Variants in TMEM82 observed in about 807,000 individuals in gnomAD.
The protein encoded by TMEM82 is transmembrane protein 82.
In TMEM82, 30 loss-of-function variants were observed where a neutral mutation model predicts 29.2. The observed-to-expected ratio is 1.03, with a 90% confidence interval of 0.77 to 1.39. TMEM82 has a LOEUF of 1.39. Among genes scored for constraint, TMEM82 ranks in the 40% most tolerant of loss-of-function variants. The pLI, the probability that TMEM82 is intolerant of heterozygous loss-of-function variation, is 0.00. For missense variants in TMEM82, 442 were observed against 447.7 expected (o/e 0.99, Z 0.12); for synonymous variants, 221 against 225.4 (o/e 0.98, Z 0.18).
At chr1:15,747,509 G>A (rs375625704) in intron 5 of TMEM82, 37 bp from the exon 6 acceptor site, 2 of 1,583,852 alleles carry the variant, frequency 1.3e-6, no homozygotes, top group Non-Finnish European at 1.7e-6. Context: ...AGGGGGATGG[G>A]TGAATGGGTG....
At position 15,744,214 on chromosome 1, in the gene TMEM82, C is replaced by T. The variant is rs1344876393; in HGVS notation, c.391C>T (p.Leu131=). Residue 131 remains leucine, a synonymous_variant, in exon 4 of 6, where the codon CTG becomes TTG. Coordinates refer to ENST00000375782, the MANE Select transcript of TMEM82 (RefSeq NM_001013641.3). This position sits in a 1 kb window ranked among gnomAD's most constrained non-coding sequence, Gnocchi z 5.2. ...LQLYLLCQYS[L]GCGLTCGLSF... is the part of the protein sequence containing the mutation. ...GCTCTACCTGCTGTGCCAGTACTCG[C>T]TGGGCTGCGGGCTGACCTGTGGCCT... 6.9e-6 allele frequency: 11 copies of T among 1,591,354 alleles called. No individual in the cohort carries two copies. The highest frequency in any genetic ancestry group is 9.4e-6 in the Non-Finnish European group (11 of 1,173,764).
chr1:15,744,402 G>A lies in TMEM82; in HGVS notation c.579G>A (p.Leu193=), dbSNP rs771472745. 9 of 1,579,298 alleles carry A rather than the reference G, an allele frequency of 5.7e-6. No homozygotes were observed. Among genetic ancestry groups the A allele is most frequent in the East Asian group, 2.3e-5 (1 of 43,618 alleles). Residue 193 remains leucine (L), a synonymous_variant, in exon 4 of 6, where the codon CTG becomes CTA. Transcript: ENST00000375782. The surrounding 1 kb of genome is among the most constrained non-coding windows in gnomAD (Gnocchi z 5.2). ...SQRYCGVCLG[L]LAHAHGLPQL... is the part of the protein sequence containing the mutation. The stretch of plus-strand genomic sequence containing the variant: ...GCTACTGTGGGGTGTGCCTGGGCCT[G>A]CTGGCCCATGCACATGGCCTCCCCC...
At chr1:15,747,455 C>T in intron 5 of TMEM82, 91 bp from the exon 6 acceptor site, 1 of 1,131,062 alleles carries the variant, frequency 8.8e-7, no homozygotes, top group South Asian at 1.3e-5. Context: ...CCCAGAGGCC[C>T]AAGGGGGAGG....
Position 15,744,318 on chromosome 1 carries a change from G to A in TMEM82, c.495G>A (p.Leu165=). The change falls in exon 4 of 6, where the codon CTG becomes CTA. Residue 165 remains leucine, a synonymous_variant. Transcript: ENST00000375782. The surrounding 1 kb of genome is among the most constrained non-coding windows in gnomAD (Gnocchi z 5.2). ...TCGGGCTGGCCACGCTGCTGGGCCT[G>A]GGTGCCCGGCGCCTCCACCGCCACG... The part of the protein sequence containing the change: ...LSLGLATLLG[L]GARRLHRHVC... The A allele has an allele frequency of 6.5e-7, 1 of 1,544,092 alleles. No homozygotes were observed. The highest frequency in any genetic ancestry group is 8.7e-7 in the Non-Finnish European group (1 of 1,148,950).
At position 15,747,031 on chromosome 1, in the gene TMEM82, C is replaced by T. The variant is rs765742412; in HGVS notation, c.922C>T (p.Leu308=). 1 of 1,604,308 alleles carries T rather than the reference C, an allele frequency of 6.2e-7. No homozygotes were observed. The highest frequency in any genetic ancestry group is 8.5e-7 in the Non-Finnish European group (1 of 1,175,496). The change falls in exon 5 of 6, where the codon CTG becomes TTG. Residue 308 remains leucine, a synonymous_variant. Transcript: ENST00000375782. ...ELWCLVGVRT[L]LDLCQIQDFP... ...CTGGTGTCTCGTGGGCGTCCGCACCCTGCTTGACCTCTGCCAGATACAGGT... is the reference window on the plus strand; with the variant it reads ...CTGGTGTCTCGTGGGCGTCCGCACCTTGCTTGACCTCTGCCAGATACAGGT...
In TMEM82 at chr1:15,747,968, C is replaced by T. The variant is rs571866220; in HGVS notation, c.*336C>T. 5 of 253,610 alleles carry T rather than the reference C, an allele frequency of 2.0e-5. No individual in the cohort carries two copies. Among genetic ancestry groups the T allele is most frequent in the South Asian group, 2.6e-4 (2 of 7,726 alleles). 15.7% of individuals were successfully genotyped at this position (253,610 alleles called of 1,614,324 possible). A position where few individuals can be genotyped will look rare whatever the true frequency, so the allele number is the denominator to read the frequency against. ...TTCCCTTCTCCATGAACAATAAAGA[C>T]GATGTCTTTCTCAACCTGTGCTTAG... On this transcript the variant is annotated 3_prime_UTR_variant, in exon 6 of 6. Transcript: ENST00000375782.
intron 5 of TMEM82, 131 bp downstream of exon 5, chr1:15,747,185 A>G: frequency 1.0e-6 from 1 of 977,418 alleles, no homozygotes. Context: ...CCAAATACTC[A>G]GGAGGCTGAG....
At chr1:15,742,943 T>TG (rs1388161075) in intron 2 of TMEM82, 36 bp downstream of exon 2, 2 of 1,610,206 alleles carry the variant, frequency 1.2e-6, no homozygotes, top group Non-Finnish European at 1.7e-6. Flanking sequence ...GGAATGTGGC[T>TG]GGGGGCACGG....
rs1267000282 is a variant in TMEM82 at position 15,744,300 on chromosome 1, G to T, written c.477G>T (p.Leu159=). The stretch of plus-strand genomic sequence containing the variant: ...TGAACCTGCTGCTGAGCCTCGGGCT[G>T]GCCACGCTGCTGGGCCTGGGTGCCC... The part of the protein sequence containing the change: ...RTLNLLLSLG[L]ATLLGLGARR... The change falls in exon 4 of 6, where the codon CTG becomes CTT. Residue 159 remains leucine (L), a synonymous_variant. Coordinates refer to ENST00000375782, the MANE Select transcript of TMEM82 (RefSeq NM_001013641.3). This position sits in a 1 kb window ranked among gnomAD's most constrained non-coding sequence, Gnocchi z 5.2. 3 of 1,547,454 alleles carry T rather than the reference G, an allele frequency of 1.9e-6. No individual in the cohort carries two copies. Among genetic ancestry groups the T allele is most frequent in the South Asian group, 1.2e-5 (1 of 84,902 alleles).
Position 15,743,028 on chromosome 1 carries a change from A to G in TMEM82, c.170A>G (p.Gln57Arg), listed in dbSNP as rs2068303325. 6.3e-7 allele frequency: 1 copy of G among 1,598,764 alleles called. No individual in the cohort carries two copies. Among genetic ancestry groups the G allele is most frequent in the South Asian group, 1.1e-5 (1 of 88,994 alleles). ...YFFVGCANDP[Q>R]RRPEKERLRA... ...CCATTCTGTCCCCAAAGTGACCCGCAGCGGCGACCCGAAAAGGAGCGGCTT... is the reference window on the plus strand; with the variant it reads ...CCATTCTGTCCCCAAAGTGACCCGCGGCGGCGACCCGAAAAGGAGCGGCTT... Residue 57 changes from glutamine to arginine, a missense_variant, in exon 3 of 6, where the codon CAG becomes CGG. By Grantham distance (43) the Gln-to-Arg change is conservative. Coordinates refer to ENST00000375782, the MANE Select transcript of TMEM82 (RefSeq NM_001013641.3).
rs771764364 is a variant in TMEM82, at chr1:15,743,116, C to T, written c.258C>T (p.Val86=). 16 of 1,611,948 alleles carry T rather than the reference C, an allele frequency of 9.9e-6. No individual in the cohort carries two copies. The highest frequency in any genetic ancestry group is 1.3e-5 in the African/African-American group (1 of 74,930). The stretch of plus-strand genomic sequence containing the variant: ...CAGGGCTGGCCCTGTTTCTGACGGT[C>T]GTGGGGTCCCGGGTGGCTGCCCTCG... ...HLAGLALFLT[V]VGSRVAALVV... The change falls in exon 3 of 6, where the codon GTC becomes GTT. Residue 86 remains valine (V), a synonymous_variant. Transcript: ENST00000375782.
Position 15,743,042 on chromosome 1 carries a change from A to T in TMEM82, c.184A>T (p.Lys62Ter), listed in dbSNP as rs749641336. 3 of 1,601,972 alleles carry T rather than the reference A, an allele frequency of 1.9e-6. No homozygotes were observed. In the South Asian group the frequency reaches 3.3e-5, roughly 18 times the overall value. ...CANDPQRRPE[K>*]ERLRAQWASL... ...AAGTGACCCGCAGCGGCGACCCGAA[A>T]AGGAGCGGCTTCGGGCCCAGTGGGC... Residue 62 changes from lysine (K) to a stop codon, truncating the protein, a stop_gained, in exon 3 of 6, where the codon AAG becomes TAG. Transcript: ENST00000375782. LOFTEE classifies it high-confidence loss of function.
At position 15,744,623 on chromosome 1, in the gene TMEM82, C is replaced by G. The variant is rs751148213; in HGVS notation, c.757+43C>G. On this transcript the variant is annotated intron_variant, in intron 4 of 5. Coordinates refer to ENST00000375782, the MANE Select transcript of TMEM82 (RefSeq NM_001013641.3). This position sits in a 1 kb window ranked among gnomAD's most constrained non-coding sequence, Gnocchi z 5.2. ...TGCTCCATTCAATCCACGCACATCC[C>G]TCTGTCTGGGTCAGGCTCCGGGGAG... 11 of 1,545,456 alleles carry G rather than the reference C, an allele frequency of 7.1e-6. No homozygotes were observed. Among genetic ancestry groups the G allele is most frequent in the Non-Finnish European group, 3.5e-6 (4 of 1,143,388 alleles).
chr1:15,746,182 A>G (rs995157154), intron 4 of TMEM82, among the ~76,000 whole-genome samples: 6 of 151,710 alleles, frequency 4.0e-5, no homozygotes, highest in African/African-American at 1.5e-4. Flanking sequence ...GTCTCAAAAA[A>G]CAAACAAACA....
At chr1:15,746,838 G>A (rs181289331) in intron 4 of TMEM82, 29 bp from the exon 5 acceptor site, 35 of 1,534,016 alleles carry the variant, frequency 2.3e-5, no homozygotes, top group East Asian at 1.9e-4. Flanking sequence ...GTGTGTGGTC[G>A]GACGGTGACA....
At chr1:15,743,889 C>A (rs1268104068) in intron 3 of TMEM82, among the ~76,000 whole-genome samples, 1 of 152,028 alleles carries the variant, frequency 6.6e-6, no homozygotes, top group African/African-American at 2.4e-5. Flanking sequence ...TGCTTGAACC[C>A]AGGAGGCGGA....
At position 15,747,078 on chromosome 1, in the gene TMEM82, C is replaced by T. The variant is rs1353809639; in HGVS notation, c.945+24C>T. The T allele has an allele frequency of 2.5e-6, 4 of 1,592,782 alleles. No homozygotes were observed. The South Asian group carries it at 3.3e-5, about 13-fold the overall frequency. On this transcript the variant is annotated intron_variant, in intron 5 of 5. Coordinates refer to ENST00000375782, the MANE Select transcript of TMEM82 (RefSeq NM_001013641.3). ...AGGTGGGCACCCCCATCCCATGTGT[C>T]CCCCAGACAATGAACCCTGCTTCAA...
chr1:15,744,294 C>T lies in TMEM82; in HGVS notation c.471C>T (p.Leu157=), dbSNP rs534517423. 8 of 1,549,600 alleles carry T rather than the reference C, an allele frequency of 5.2e-6. No homozygotes were observed. The highest frequency in any genetic ancestry group is 2.4e-5 in the East Asian group (1 of 41,854). ...PHRTLNLLLS[L]GLATLLGLGA... ...GCACGCTGAACCTGCTGCTGAGCCT[C>T]GGGCTGGCCACGCTGCTGGGCCTGG... Residue 157 remains leucine, a synonymous_variant, in exon 4 of 6, where the codon CTC becomes CTT. Coordinates refer to ENST00000375782, the MANE Select transcript of TMEM82 (RefSeq NM_001013641.3). This position sits in a 1 kb window ranked among gnomAD's most constrained non-coding sequence, Gnocchi z 5.2.
In TMEM82 at chr1:15,742,504, G is replaced by A. The variant is rs967737719; in HGVS notation, c.-56G>A. 3.0e-5 allele frequency: 40 copies of A among 1,339,040 alleles called. No homozygotes were observed. The highest frequency in any genetic ancestry group is 3.5e-5 in the Non-Finnish European group (35 of 1,001,748). The allele number at this position is 1,339,040 out of a possible 1,614,324, so 82.9% of individuals were successfully genotyped here. ...TCCACCGACACCTTTGCCCAGTGACGTTGGTCTGTCCTTACGCAGACCTGG... is the reference window on the plus strand; with the variant it reads ...TCCACCGACACCTTTGCCCAGTGACATTGGTCTGTCCTTACGCAGACCTGG... On this transcript the variant is annotated 5_prime_UTR_variant, in exon 1 of 6. Coordinates refer to ENST00000375782, the MANE Select transcript of TMEM82 (RefSeq NM_001013641.3).
Sources: allele counts gnomAD v4.1 joint callset (sites outside exome capture counted in the v4.1 genomes callset), GRCh38; gene constraint gnomAD v4.1.1; non-coding constraint Gnocchi (gnomAD v3.1); transcripts MANE v1.5; gene names NCBI Gene and HGNC (gene_info 2026-07-23, HGNC 2026-07-21).